The following ZMYM2 variants were observed in gnomAD, a reference collection of about 807,000 sequenced individuals.
The protein encoded by ZMYM2 is zinc finger MYM-type containing 2.
A neutral mutation model predicts 162.8 loss-of-function variants in ZMYM2; 56 were observed. That is an observed-to-expected ratio of 0.34 (90% CI 0.28 to 0.43). The LOEUF is 0.43. Among genes scored for constraint, ZMYM2 ranks in the 20% least tolerant of loss-of-function variants. The probability of loss-of-function intolerance (pLI) is 1.00; values close to 1 mark genes in which losing one functional copy is unlikely to be tolerated. For synonymous variants in ZMYM2, 510 were observed against 541.6 expected, an observed-to-expected ratio of 0.94 and a Z score of 0.81; for missense variants, 1,275 against 1,621.8, an observed-to-expected ratio of 0.79 and a Z score of 3.67.
At chr13:20,041,876 T>C (rs943220341) in intron 12 of ZMYM2, among the ~76,000 whole-genome samples, 10 of 152,242 alleles carry the variant, frequency 6.6e-5, no homozygotes, top group Non-Finnish European at 1.2e-4. Context: ...AAGGGTTGAA[T>C]ATTGGCCCCC....
At chr13:20,066,751 G>A (rs1018173405) in intron 19 of ZMYM2, 100 bp from the exon 20 acceptor site, 16 of 1,213,878 alleles carry the variant, frequency 1.3e-5, no homozygotes, top group Non-Finnish European at 1.7e-5. Flanking sequence ...GTTGCTCAAG[G>A]GTCAATTGTA....
chr13:19,975,903 T>TGTATGTATGTATGTAG (rs1956745587), intron 2 of ZMYM2, among the ~76,000 whole-genome samples: 1 of 151,738 alleles, frequency 6.6e-6, no homozygotes, highest in East Asian at 1.9e-4. Flanking sequence ...TATGTATGTA[T>TGTATGTATGTATGTAG]GTAGAGCTGG....
At chr13:20,027,551 A>C (rs1952695739) in intron 9 of ZMYM2, among the ~76,000 whole-genome samples, 1 of 152,156 alleles carries the variant, frequency 6.6e-6, no homozygotes, top group Non-Finnish European at 1.5e-5. Flanking sequence ...GAAGGAAAAG[A>C]AATTTTAATA....
At chr13:19,987,572 C>CGT (rs36128018) in intron 2 of ZMYM2, among the ~76,000 whole-genome samples, 7,257 of 133,262 alleles carry the variant, frequency 0.054, 264 homozygotes, top group East Asian at 0.2. Context: ...CGCCCCGCTA[C>CGT]GTGTGTGTGT....
chr13:19,999,425 A>G (rs977556510), intron 3 of ZMYM2, among the ~76,000 whole-genome samples: 2 of 152,138 alleles, frequency 1.3e-5, no homozygotes, highest in Non-Finnish European at 1.5e-5. Flanking sequence ...GTGATCTTTG[A>G]TGTTACTATT....
the ZMYM2 span, among the ~76,000 whole-genome samples, chr13:19,891,610 C>CAA: frequency 2.8e-5 from 2 of 71,268 alleles, no homozygotes; most frequent in African/African-American, 5.3e-5. Flanking sequence ...ATCACCTTTA[C>CAA]AAAAAAAAAA....
At chr13:19,884,382 G>A in the ZMYM2 span, among the ~76,000 whole-genome samples, 2 of 151,050 alleles carry the variant, frequency 1.3e-5, no homozygotes, top group African/African-American at 2.4e-5. Context: ...GAGACGGCCC[G>A]GGCTAACACA....
chr13:20,062,868 A>G lies in ZMYM2; in HGVS notation c.2934A>G (p.Ile978Met). The change falls in exon 18 of 25, where the codon ATA becomes ATG. Residue 978 changes from isoleucine (I) to methionine (M), a missense_variant. Around this residue, in one of 10 missense-constraint regions of ZMYM2, gnomAD observed 229 missense variants for 283.8 expected, o/e 0.81. Coordinates refer to ENST00000610343, the MANE Select transcript of ZMYM2 (RefSeq NM_197968.4). ...NINSVIIETD[I>M]IGSDLLKNSD... ...CAGGTGTAATTATTGAAACAGATAT[A>G]ATTGGTTCAGACCTTTTGAAGAACT... The G allele has an allele frequency of 6.3e-7, 1 of 1,582,834 alleles. No homozygotes were observed. Among genetic ancestry groups the G allele is most frequent in the Non-Finnish European group, 8.6e-7 (1 of 1,162,378 alleles).
chr13:19,878,024 C>T, the ZMYM2 span, among the ~76,000 whole-genome samples: 1 of 151,564 alleles, frequency 6.6e-6, no homozygotes, highest in Admixed American at 6.6e-5. Flanking sequence ...AATTTCTTCA[C>T]ATTCTTGCCA....
At chr13:19,885,351 A>C in the ZMYM2 span, among the ~76,000 whole-genome samples, 1 of 152,216 alleles carries the variant, frequency 6.6e-6, no homozygotes, top group Non-Finnish European at 1.5e-5. Flanking sequence ...TGGGTTTCTT[A>C]AGCTAGGATA....
intron 9 of ZMYM2, among the ~76,000 whole-genome samples, chr13:20,029,990 T>C (rs1952935899): frequency 1.3e-5 from 2 of 152,010 alleles, no homozygotes; most frequent in East Asian, 3.9e-4. Flanking sequence ...AGACGGACTT[T>C]CGCCACATTG....
At position 19,993,609 on chromosome 13, in the gene ZMYM2, C is replaced by T. The variant is rs1381478551; in HGVS notation, c.537C>T (p.Asp179=). The change falls in exon 3 of 25, where the codon GAC becomes GAT. Residue 179 remains aspartate (D), a synonymous_variant. Coordinates refer to ENST00000610343, the MANE Select transcript of ZMYM2 (RefSeq NM_197968.4). ...MGNSGITTEP[D]SEIQIANVTT... is the part of the protein sequence containing the mutation. ...ATAGTGGTATCACCACAGAACCAGA[C>T]TCTGAAATTCAGATTGCTAATGTTA... is the stretch of plus-strand genomic sequence containing the variant. 1.2e-6 allele frequency: 2 copies of T among 1,614,038 alleles called. No individual in the cohort carries two copies. The highest frequency in any genetic ancestry group is 1.7e-6 in the Non-Finnish European group (2 of 1,180,026).
At position 20,006,526 on chromosome 13, in the gene ZMYM2, G is replaced by A; in HGVS notation, c.1452G>A (p.Leu484=). Residue 484 remains leucine, a synonymous_variant, in exon 6 of 25, where the codon CTG becomes CTA. Transcript: ENST00000610343. ...GTAAAGGTGCTGGAAATAATGTTCT[G>A]GTGATTGATGGTCAACAGAAAAGAT... ...LPSKGAGNNV[L]VIDGQQKRFC... 1 of 1,613,802 alleles carries A rather than the reference G, an allele frequency of 6.2e-7. No homozygotes were observed. The highest frequency in any genetic ancestry group is 8.5e-7 in the Non-Finnish European group (1 of 1,179,844).
At chr13:19,887,269 A>G in the ZMYM2 span, among the ~76,000 whole-genome samples, 1 of 151,726 alleles carries the variant, frequency 6.6e-6, no homozygotes, top group African/African-American at 2.4e-5. Flanking sequence ...TGGCTCACGT[A>G]TGTAATCCCA....
chr13:19,900,800 G>A, the ZMYM2 span, among the ~76,000 whole-genome samples: 2 of 152,106 alleles, frequency 1.3e-5, no homozygotes, highest in Non-Finnish European at 2.9e-5. Flanking sequence ...TTGGGAGGCC[G>A]AGGCGGGCAG....
the ZMYM2 span, among the ~76,000 whole-genome samples, chr13:19,910,973 C>G: frequency 1.3e-5 from 2 of 151,272 alleles, no homozygotes; most frequent in East Asian, 2.0e-4. Flanking sequence ...CAGAAAAGCT[C>G]TAAGTCAGAT....
At chr13:20,055,917 A>G (rs763573407) in intron 14 of ZMYM2, among the ~76,000 whole-genome samples, 1 of 152,204 alleles carries the variant, frequency 6.6e-6, no homozygotes, top group Non-Finnish European at 1.5e-5. Context: ...TTTTAAGGCA[A>G]TGTGGTATGA....
At chr13:19,996,710 C>CT (rs1481983394) in intron 3 of ZMYM2, among the ~76,000 whole-genome samples, 1 of 151,876 alleles carries the variant, frequency 6.6e-6, no homozygotes, top group African/African-American at 2.4e-5. Flanking sequence ...GACTGAGACT[C>CT]TGTCTCAAAA....
chr13:20,010,941 C>CT (rs1190653688), intron 6 of ZMYM2, among the ~76,000 whole-genome samples: 1 of 152,068 alleles, frequency 6.6e-6, no homozygotes, highest in African/African-American at 2.4e-5. Flanking sequence ...GCCTGGCCCT[C>CT]TTTTATTTTT....
Sources: gnomAD v4.1 joint callset for allele counts (sites outside exome capture counted in the v4.1 genomes callset) on GRCh38, gnomAD v4.1.1 for gene constraint, gnomAD v4.1.1 regional missense constraint, MANE v1.5 for transcripts, NCBI Gene and HGNC (gene_info 2026-07-23, HGNC 2026-07-21) for gene names.